The following TNFRSF10A variants were observed in gnomAD, a reference collection of about 807,000 sequenced individuals.
The protein encoded by TNFRSF10A is TNF receptor superfamily member 10a, also known as tumor necrosis factor receptor superfamily member 10A.
Under a neutral mutation model 42.8 loss-of-function variants are expected in TNFRSF10A, and 44 were observed. The observed-to-expected ratio is 1.03, with a 90% CI of 0.81 to 1.32. The LOEUF is 1.32. TNFRSF10A is among the 40% of genes most tolerant of loss of function. The pLI is 0.00. For synonymous variants in TNFRSF10A, 259 were observed against 234.2 expected (o/e 1.11, Z -0.97); for missense variants, 680 against 602.0 (o/e 1.13, Z -1.36).
intron 2 of TNFRSF10A, among the ~76,000 whole-genome samples, chr8:23,204,269 A>T (rs943044538): frequency 1.1e-4 from 16 of 151,842 alleles, no homozygotes; most frequent in African/African-American, 3.6e-4. Flanking sequence ...GAAATCACAC[A>T]AGTACTGCAT....
intron 1 of TNFRSF10A, among the ~76,000 whole-genome samples, chr8:23,223,313 C>T (rs1043017597): frequency 1.1e-4 from 17 of 152,216 alleles, no homozygotes; most frequent in Non-Finnish European, 2.1e-4. Context: ...GATCCGCCCG[C>T]CTCGGCCTCC....
At chr8:23,210,360 A>G (rs1801077665) in intron 2 of TNFRSF10A, among the ~76,000 whole-genome samples, 1 of 152,198 alleles carries the variant, frequency 6.6e-6, no homozygotes, top group Non-Finnish European at 1.5e-5. Context: ...GCAACAAAAT[A>G]CTAGCAAGTT....
intron 2 of TNFRSF10A, among the ~76,000 whole-genome samples, chr8:23,204,331 G>A (rs565811959): frequency 2.6e-5 from 4 of 152,236 alleles, no homozygotes; most frequent in East Asian, 3.9e-4. Context: ...TCAGTCTCAC[G>A]AGAAACTAAA....
At chr8:23,195,661 G>C (rs543370583) in intron 9 of TNFRSF10A, among the ~76,000 whole-genome samples, 1 of 152,298 alleles carries the variant, frequency 6.6e-6, no homozygotes, top group African/African-American at 2.4e-5. Flanking sequence ...TGGGTAATCA[G>C]GCCACGTATA....
Position 23,224,888 on chromosome 8 carries a change from G to A in TNFRSF10A, c.174C>T (p.Ser58=). ...GGGCACTGGGTCCGTGCTGTCCCAT[G>A]GAGGTAGGGAGCGCTCCTCGGCCCC... ...RGGGRGALPT[S]MGQHGPSARA... The change falls in exon 1 of 10, where the codon TCC becomes TCT. Residue 58 remains serine (S), a synonymous_variant. Transcript: ENST00000221132. The A allele has an allele frequency of 1.3e-6, 2 of 1,589,280 alleles. No homozygotes were observed. Among genetic ancestry groups the A allele is most frequent in the South Asian group, 2.3e-5 (2 of 87,754 alleles).
At chr8:23,192,278 G>A (rs995840160) in intron 9 of TNFRSF10A, among the ~76,000 whole-genome samples, 1 of 152,230 alleles carries the variant, frequency 6.6e-6, no homozygotes, top group Non-Finnish European at 1.5e-5. Flanking sequence ...CACCTGGGGA[G>A]GATGGATTGA....
chr8:23,201,404 C>T (rs1039275082), intron 4 of TNFRSF10A, among the ~76,000 whole-genome samples: 3 of 152,186 alleles, frequency 2.0e-5, no homozygotes, highest in African/African-American at 7.2e-5. Flanking sequence ...TTAAAAATTA[C>T]ATTTTATGAC....
rs58691757 is a variant in TNFRSF10A, at chr8:23,213,436, C to CTTTTTTTTT, written c.307-1233_307-1225dup. Among the ~76,000 whole-genome samples, 377 of 68,586 alleles carry CTTTTTTTTT rather than the reference C, an allele frequency of 5.5e-3. 41 individuals are homozygous for CTTTTTTTTT. Among genetic ancestry groups the CTTTTTTTTT allele is most frequent in the Middle Eastern group, 0.01 (1 of 98 alleles). The allele number at this position is 68,586 out of a possible 152,430, so 45.0% of individuals were successfully genotyped here. ...GCTGGTTTGGGCTTAGTTTGCTCCT[C>CTTTTTTTTT]TTTTTTTTTTTTTTTTTTTTTTTTT... On this transcript the variant is annotated intron_variant, in intron 1 of 9. Transcript: ENST00000221132.
intron 2 of TNFRSF10A, among the ~76,000 whole-genome samples, chr8:23,208,519 T>G (rs1585284454): frequency 6.6e-6 from 1 of 152,164 alleles, no homozygotes; most frequent in Non-Finnish European, 1.5e-5. Flanking sequence ...TGCAGTGGCA[T>G]GATCTCGGCT....
chr8:23,207,305 C>T (rs1027760106), intron 2 of TNFRSF10A: 18 of 599,308 alleles, frequency 3.0e-5, no homozygotes, highest in Non-Finnish European at 5.1e-5. Flanking sequence ...GAGAAGAAGG[C>T]ATATGTTCGA....
chr8:23,224,469 G>T, intron 1 of TNFRSF10A: 1 of 473,326 alleles, frequency 2.1e-6, no homozygotes, highest in Non-Finnish European at 3.8e-6. Flanking sequence ...CCGATACATC[G>T]TGAGGTGTGG....
intron 9 of TNFRSF10A, 90 bp from the exon 10 acceptor site, chr8:23,192,103 G>A: frequency 6.6e-7 from 1 of 1,513,692 alleles, no homozygotes; most frequent in Non-Finnish European, 8.8e-7. Flanking sequence ...AGAACCCAAG[G>A]AGAGAACCTG....
chr8:23,211,428 T>C (rs896218819), intron 2 of TNFRSF10A, among the ~76,000 whole-genome samples: 8 of 152,176 alleles, frequency 5.3e-5, no homozygotes, highest in African/African-American at 1.7e-4. Flanking sequence ...AAAAAACTCA[T>C]GCTTTGGGAT....
intron 1 of TNFRSF10A, among the ~76,000 whole-genome samples, chr8:23,220,472 G>A (rs1401820454): frequency 2.0e-5 from 3 of 152,322 alleles, no homozygotes; most frequent in African/African-American, 4.8e-5. Context: ...AGGGTTGGCC[G>A]TGCTCCTCTT....
chr8:23,205,258 C>T (rs1243550989), intron 2 of TNFRSF10A, among the ~76,000 whole-genome samples: 2 of 151,978 alleles, frequency 1.3e-5, no homozygotes, highest in Non-Finnish European at 2.9e-5. Context: ...AACAATGAAC[C>T]ACATATGTGA....
chr8:23,198,174 G>A (rs887040808), intron 8 of TNFRSF10A, among the ~76,000 whole-genome samples: 2 of 152,026 alleles, frequency 1.3e-5, no homozygotes, highest in East Asian at 1.9e-4. Context: ...TGGGAGAATC[G>A]GCAGCTCAAA....
rs773332537 is a variant in TNFRSF10A at position 23,201,929 on chromosome 8, G to C, written c.518-10C>G. On this transcript the variant is annotated splice_polypyrimidine_tract_variant and intron_variant, in intron 3 of 9. Coordinates refer to ENST00000221132, the MANE Select transcript of TNFRSF10A (RefSeq NM_003844.4). ...CTTCTCTCTTCTTCATCTGATGACA[G>C]AGTACAAGGTTTTGGGAATGTGTTT... 3 of 1,612,796 alleles carry C rather than the reference G, an allele frequency of 1.9e-6. No individual in the cohort carries two copies. In the Admixed American group the frequency reaches 5.0e-5, roughly 27 times the overall value.
rs1800898389 is a variant in TNFRSF10A at position 23,200,714 on chromosome 8, C to T, written c.676G>A (p.Asp226Asn). 2 of 1,610,074 alleles carry T rather than the reference C, an allele frequency of 1.2e-6. No homozygotes were observed. Among genetic ancestry groups the T allele is most frequent in the South Asian group, 1.1e-5 (1 of 91,020 alleles). Residue 226 changes from aspartate (D) to asparagine (N), a missense_variant, in exon 5 of 10, where the codon GAC becomes AAC. By Grantham distance (23) the Asp-to-Asn change is conservative. Transcript: ENST00000221132. ...GATTCTTTGTGGACACACTCGATGT[C>T]ACTCCAGGGCGTACAATCCTTGACC... ...VKVKDCTPWS[D>N]IECVHKESGN...
intron 1 of TNFRSF10A, 53 bp downstream of exon 1, chr8:23,224,703 C>T (rs1801309477): frequency 9.2e-6 from 14 of 1,527,858 alleles, no homozygotes; most frequent in Non-Finnish European, 1.2e-5. Flanking sequence ...CTCTCTGCCC[C>T]CTCCCGGTGC....
Sources: allele counts gnomAD v4.1 joint callset (sites outside exome capture counted in the v4.1 genomes callset), GRCh38; gene constraint gnomAD v4.1.1; transcripts MANE v1.5; gene names NCBI Gene and HGNC (gene_info 2026-07-23, HGNC 2026-07-21).